EWSR1: variants seen among roughly 807,000 people sequenced by gnomAD.
The protein encoded by EWSR1 is EWS RNA binding protein 1.
A neutral mutation model predicts 92.1 loss-of-function variants in EWSR1; 14 were observed. That is an observed-to-expected ratio of 0.15 (90% CI 0.10 to 0.24). The LOEUF is 0.24. Ranked by LOEUF, EWSR1 falls within the 10% of genes least tolerant of loss-of-function variation. EWSR1 has a pLI of 1.00. For synonymous variants in EWSR1, 303 were observed against 292.9 expected (o/e 1.03, Z -0.35); for missense variants, 637 against 870.9 (o/e 0.73, Z 3.38).
At chr22:29,280,869 T>TTTTG (rs2059532437) in intron 5 of EWSR1, among the ~76,000 whole-genome samples, 1 of 29,962 alleles carries the variant, frequency 3.3e-5, no homozygotes. Flanking sequence ...GTTGTTTTTT[T>TTTTG]TTTTTTTTTT....
At chr22:29,276,401 C>T (rs1430651926) in intron 4 of EWSR1, 4 of 223,224 alleles carry the variant, frequency 1.8e-5, no homozygotes, top group African/African-American at 6.7e-5. Flanking sequence ...TTGACAAGGA[C>T]ATTACTATCT....
chr22:29,285,994 G>A (rs1293662113), intron 6 of EWSR1, among the ~76,000 whole-genome samples: 2 of 151,802 alleles, frequency 1.3e-5, no homozygotes, highest in Non-Finnish European at 2.9e-5. Flanking sequence ...CCCACCACCA[G>A]GCCTGGCTAA....
At chr22:29,280,941 G>A (rs1421134063) in intron 5 of EWSR1, among the ~76,000 whole-genome samples, 12 of 129,946 alleles carry the variant, frequency 9.2e-5, no homozygotes, top group South Asian at 5.3e-4. Context: ...GTGCAGTGGC[G>A]CCATCTCAGC....
chr22:29,268,713 A>G (rs1016475427), intron 1 of EWSR1, among the ~76,000 whole-genome samples: 15 of 152,220 alleles, frequency 9.9e-5, no homozygotes, highest in African/African-American at 1.7e-4. Flanking sequence ...GCCAGGCCTC[A>G]AGCCGGTCAC....
intron 1 of EWSR1, among the ~76,000 whole-genome samples, chr22:29,271,259 ATTACT>A (rs1257942980): frequency 6.6e-5 from 10 of 152,312 alleles, no homozygotes; most frequent in East Asian, 3.9e-4. Flanking sequence ...TTCAAAAATA[ATTACT>A]TTAACTGCCT....
intron 4 of EWSR1, among the ~76,000 whole-genome samples, chr22:29,275,101 A>T (rs1305042544): frequency 6.6e-6 from 1 of 152,222 alleles, no homozygotes; most frequent in Non-Finnish European, 1.5e-5. Flanking sequence ...AGGATGGGAA[A>T]TGTTTATCTA....
intron 8 of EWSR1, 127 bp downstream of exon 8, chr22:29,288,913 G>T: frequency 1.1e-6 from 1 of 903,320 alleles, no homozygotes; most frequent in Non-Finnish European, 1.6e-6. Flanking sequence ...TTGAGCTCAA[G>T]CCATCTTCTA....
intron 13 of EWSR1, among the ~76,000 whole-genome samples, 167 bp from the exon 14 acceptor site, chr22:29,298,566 C>T (rs781663049): frequency 5.9e-5 from 9 of 152,016 alleles, no homozygotes; most frequent in Admixed American, 1.3e-4. Flanking sequence ...GGAACACGCT[C>T]CTCACAGGGA....
Position 29,300,105 on chromosome 22 carries a change from C to T in EWSR1, c.1932-17C>T, listed in dbSNP as rs537414815. 13 of 1,598,670 alleles carry T rather than the reference C, an allele frequency of 8.1e-6. No individual in the cohort carries two copies. Among genetic ancestry groups the T allele is most frequent in the East Asian group, 6.8e-5 (3 of 44,398 alleles). On this transcript the variant is annotated splice_polypyrimidine_tract_variant and intron_variant, in intron 16 of 16. Transcript: ENST00000397938. ...ACCCCTTCCCATTCTAACCGAAGGG[C>T]CCTCTTTACCTTGCAGAGGCGAGCA...
rs568672380 is a variant in EWSR1, at chr22:29,283,282, T to C, written c.581+725T>C. Among the ~76,000 whole-genome samples, 9 of 152,352 alleles carry C rather than the reference T, an allele frequency of 5.9e-5. No homozygotes were observed. The South Asian group carries it at 1.7e-3, about 28-fold the overall frequency. ...ATCATTTTACATTTTACCTAACACA[T>C]AAAGGTTTATTCATGCACTAACCTT... On this transcript the variant is annotated intron_variant, in intron 6 of 16. Transcript: ENST00000397938.
chr22:29,273,051 G>A (rs952993207), intron 3 of EWSR1, among the ~76,000 whole-genome samples: 1 of 152,210 alleles, frequency 6.6e-6, no homozygotes, highest in Non-Finnish European at 1.5e-5. Flanking sequence ...GTCTCTGGCA[G>A]ATCTTACATA....
intron 1 of EWSR1, among the ~76,000 whole-genome samples, chr22:29,271,320 G>C (rs764977514): frequency 6.6e-6 from 1 of 152,156 alleles, no homozygotes; most frequent in African/African-American, 2.4e-5. Flanking sequence ...GTAGCGCTCT[G>C]AAAACTATTT....
At chr22:29,286,892 C>CTTTTT (rs754136243) in intron 6 of EWSR1, 31 bp from the exon 7 acceptor site, 22 of 1,210,774 alleles carry the variant, frequency 1.8e-5, no homozygotes, top group Non-Finnish European at 2.2e-5. Context: ...TCTAAAAAAG[C>CTTTTT]TTTTTTTTTT....
In EWSR1 at chr22:29,273,909, C is replaced by CA. The variant is rs752409142; in HGVS notation, c.226+46dup. 2,920 of 1,609,402 alleles carry CA rather than the reference C, an allele frequency of 1.8e-3. 4 individuals are homozygous for CA. Among genetic ancestry groups the CA allele is most frequent in the Non-Finnish European group, 2.3e-3 (2,737 of 1,178,190 alleles). ...GATTTTTGGGTCGTTCTGGCTAGGG[C>CA]ATTGGCTAAGAAGCTTATTAGTCAT... is the stretch of plus-strand genomic sequence containing the variant. On this transcript the variant is annotated intron_variant, in intron 4 of 16. Transcript: ENST00000397938.
chr22:29,292,279 C>A, intron 10 of EWSR1, 110 bp downstream of exon 10: 1 of 1,205,942 alleles, frequency 8.3e-7, no homozygotes, highest in Non-Finnish European at 1.2e-6. Context: ...GATATTCTTG[C>A]TGTCAAGGAC....
At chr22:29,281,907 A>C (rs1222626223) in intron 5 of EWSR1, among the ~76,000 whole-genome samples, 1 of 152,214 alleles carries the variant, frequency 6.6e-6, no homozygotes, top group Non-Finnish European at 1.5e-5. Context: ...TGTTTTTAAT[A>C]AATGAGAAAC....
intron 4 of EWSR1, 150 bp downstream of exon 4, chr22:29,274,014 C>T (rs774016327): frequency 1.1e-5 from 12 of 1,066,502 alleles, no homozygotes; most frequent in African/African-American, 1.6e-5. Context: ...TTTTCTCTTT[C>T]TTCCCTACTC....
At chr22:29,294,604 CAAA>C (rs1029749874) in intron 11 of EWSR1, among the ~76,000 whole-genome samples, 2 of 65,164 alleles carry the variant, frequency 3.1e-5, no homozygotes, top group South Asian at 5.0e-4. Context: ...GACTCCGCCT[CAAA>C]AAAAAAAAAA....
chr22:29,288,207 G>A (rs2060194526), intron 7 of EWSR1, among the ~76,000 whole-genome samples: 1 of 152,174 alleles, frequency 6.6e-6, no homozygotes. Flanking sequence ...AAGGAGTAGT[G>A]TTGATTTATG....
Sources: allele counts gnomAD v4.1 joint callset (sites outside exome capture counted in the v4.1 genomes callset), GRCh38; gene constraint gnomAD v4.1.1; transcripts MANE v1.5; gene names NCBI Gene and HGNC (gene_info 2026-07-23, HGNC 2026-07-21).